The following CELF2 variants were observed in gnomAD, a reference collection of about 807,000 sequenced individuals.
The protein encoded by CELF2 is CUG triplet repeat RNA-binding protein 2.
In CELF2, 8 loss-of-function variants were observed where a neutral mutation model predicts 62.6. That is an observed-to-expected ratio of 0.13 (90% confidence interval 0.07 to 0.23). CELF2 has a LOEUF of 0.23. Ranked by LOEUF, CELF2 falls within the 10% of genes least tolerant of loss-of-function variation. The pLI, the probability that CELF2 is intolerant of heterozygous loss-of-function variation, is 1.00. For missense variants in CELF2, 333 were observed against 671.0 expected, an observed-to-expected ratio of 0.50 and a Z score of 5.56; for synonymous variants, 258 against 250.0, an observed-to-expected ratio of 1.03 and a Z score of -0.30.
At chr10:10,958,287 C>G (rs2049113358) in intron 2 of CELF2, among the ~76,000 whole-genome samples, 1 of 152,188 alleles carries the variant, frequency 6.6e-6, no homozygotes, top group African/African-American at 2.4e-5. Context: ...GATCTATCCT[C>G]AGAAGTCCTG....
At chr10:10,782,707 C>T in the CELF2 span, among the ~76,000 whole-genome samples, 1 of 152,188 alleles carries the variant, frequency 6.6e-6, no homozygotes, top group South Asian at 2.1e-4. Context: ...CCTGAATGCG[C>T]CACTTTCTGA....
the CELF2 span, among the ~76,000 whole-genome samples, chr10:10,561,359 T>A: frequency 6.6e-6 from 1 of 152,148 alleles, no homozygotes; most frequent in Non-Finnish European, 1.5e-5. Flanking sequence ...AGCTCCTATG[T>A]GTTGGAAAGT....
chr10:10,970,488 T>A (rs2136173469), intron 2 of CELF2, among the ~76,000 whole-genome samples: 1 of 152,340 alleles, frequency 6.6e-6, no homozygotes, highest in East Asian at 1.9e-4. Context: ...AGAAATGTCC[T>A]TTGGATGCAT....
intron 3 of CELF2, among the ~76,000 whole-genome samples, chr10:11,225,020 C>G (rs1351997353): frequency 6.6e-6 from 1 of 152,148 alleles, no homozygotes; most frequent in East Asian, 1.9e-4. Flanking sequence ...GAAGTTTCGT[C>G]TGTCCCTCTG....
At chr10:11,144,159 G>A (rs1364746723) in intron 1 of CELF2, among the ~76,000 whole-genome samples, 1 of 152,030 alleles carries the variant, frequency 6.6e-6, no homozygotes, top group African/African-American at 2.4e-5. Flanking sequence ...AATTGCCTTC[G>A]GAAGACATTT....
the CELF2 span, among the ~76,000 whole-genome samples, chr10:10,619,009 T>C: frequency 6.6e-6 from 1 of 151,598 alleles, no homozygotes; most frequent in Non-Finnish European, 1.5e-5. Context: ...TTAGGGTCTC[T>C]ACCTGGCTGG....
At chr10:11,022,755 C>T (rs778259893) in intron 1 of CELF2, among the ~76,000 whole-genome samples, 6 of 152,096 alleles carry the variant, frequency 3.9e-5, no homozygotes, top group Non-Finnish European at 5.9e-5. Context: ...ATACAGCCAG[C>T]GCCCAATATG....
the CELF2 span, among the ~76,000 whole-genome samples, chr10:10,469,478 C>G: frequency 6.6e-6 from 1 of 151,988 alleles, no homozygotes; most frequent in African/African-American, 2.4e-5. Context: ...AAGTCCCCTT[C>G]TATGCCTGGT....
chr10:10,607,339 G>A, the CELF2 span, among the ~76,000 whole-genome samples: 1 of 152,146 alleles, frequency 6.6e-6, no homozygotes, highest in Non-Finnish European at 1.5e-5. Flanking sequence ...AGCAAAATGA[G>A]CTACCTGACA....
At chr10:10,783,279 G>A in the CELF2 span, among the ~76,000 whole-genome samples, 6 of 152,092 alleles carry the variant, frequency 3.9e-5, no homozygotes, top group South Asian at 2.1e-4. Context: ...GCCCTAATCC[G>A]GTATGACTGT....
At chr10:10,586,483 A>C in the CELF2 span, among the ~76,000 whole-genome samples, 2 of 152,136 alleles carry the variant, frequency 1.3e-5, no homozygotes, top group Non-Finnish European at 2.9e-5. Flanking sequence ...TACATCCTAC[A>C]ATTAATGTCA....
In CELF2 at chr10:11,267,545, G is replaced by T. The variant is rs1055465634; in HGVS notation, c.618+868G>T. ...TGTGTATGGGTGATCTTTTCCGGAGGTGGCCTTGTGGTGTTATCTGAAGCT... is the reference window on the plus strand; with the variant it reads ...TGTGTATGGGTGATCTTTTCCGGAGTTGGCCTTGTGGTGTTATCTGAAGCT... On this transcript the variant is annotated intron_variant, in intron 6 of 12. Coordinates refer to ENST00000633077, the MANE Select transcript of CELF2 (RefSeq NM_001326342.2). The surrounding 1 kb of genome is among the most constrained non-coding windows in gnomAD (Gnocchi z 4.4). 6.6e-6 allele frequency among the ~76,000 whole-genome samples: 1 copy of T among 152,180 alleles called. No individual in the cohort carries two copies. The highest frequency in any genetic ancestry group is 1.5e-5 in the Non-Finnish European group (1 of 68,030).
chr10:10,952,659 G>A, intron 2 of CELF2, among the ~76,000 whole-genome samples: 1 of 149,054 alleles, frequency 6.7e-6, no homozygotes, highest in South Asian at 2.1e-4. Flanking sequence ...AAGAATTAAT[G>A]AGTATGAGAT....
chr10:10,823,789 G>A (rs1324842746), intron 1 of CELF2, among the ~76,000 whole-genome samples: 6 of 152,074 alleles, frequency 3.9e-5, no homozygotes, highest in Non-Finnish European at 7.4e-5. Context: ...TTCTTGCAAC[G>A]ACCCTGTAAA....
chr10:11,161,910 T>C (rs2065810376), intron 1 of CELF2, among the ~76,000 whole-genome samples: 1 of 152,184 alleles, frequency 6.6e-6, no homozygotes, highest in South Asian at 2.1e-4. Flanking sequence ...GTTGAACACA[T>C]AATTTCTGGC....
intron 11 of CELF2, among the ~76,000 whole-genome samples, chr10:11,325,172 T>TA (rs1270615442): frequency 1.3e-5 from 2 of 152,218 alleles, no homozygotes; most frequent in African/African-American, 4.8e-5. Flanking sequence ...CCTCGGTCTT[T>TA]GCCCAGCTTC....
the CELF2 span, among the ~76,000 whole-genome samples, chr10:10,581,907 A>C: frequency 6.6e-6 from 1 of 152,126 alleles, no homozygotes; most frequent in South Asian, 2.1e-4. Context: ...GGGTGCCTGT[A>C]ATCCCAGCTA....
chr10:11,051,111 T>C (rs2140045983), intron 1 of CELF2, among the ~76,000 whole-genome samples: 1 of 152,324 alleles, frequency 6.6e-6, no homozygotes, highest in Non-Finnish European at 1.5e-5. Context: ...TTCTTCGCTG[T>C]GGGAAGGGCC....
chr10:10,551,230 G>A, the CELF2 span, among the ~76,000 whole-genome samples: 2 of 152,176 alleles, frequency 1.3e-5, no homozygotes, highest in Non-Finnish European at 2.9e-5. Flanking sequence ...GTAGTCTTAA[G>A]AGGCCTCTAT....
Sources: gnomAD v4.1 joint callset for allele counts (sites outside exome capture counted in the v4.1 genomes callset) on GRCh38, gnomAD v4.1.1 for gene constraint, Gnocchi (gnomAD v3.1) non-coding constraint, MANE v1.5 for transcripts, NCBI Gene and HGNC (gene_info 2026-07-23, HGNC 2026-07-21) for gene names.